The following HHEX variants were observed in gnomAD, a reference collection of about 807,000 sequenced individuals.
HHEX encodes the protein hematopoietically-expressed homeobox protein HHEX.
HHEX carries 8 observed loss-of-function variants against 27.0 expected under a neutral mutation model. The ratio of observed to expected loss-of-function variants is 0.30; its 90% confidence interval spans 0.17 to 0.54. The LOEUF is 0.54. Among genes scored for constraint, HHEX ranks in the 20% least tolerant of loss-of-function variants. The probability of loss-of-function intolerance (pLI) is 0.95; values close to 1 mark genes in which losing one functional copy is unlikely to be tolerated. For missense variants in HHEX, 326 were observed against 357.2 expected (o/e 0.91, Z 0.70); for synonymous variants, 164 against 161.5 (o/e 1.02, Z -0.12).
chr10:92,692,325 C>A (rs1462713482), intron 1 of HHEX, 43 bp from the exon 2 acceptor site: 21 of 1,601,596 alleles, frequency 1.3e-5, no homozygotes, highest in Non-Finnish European at 1.7e-5. Context: ...TCTGGCCAGG[C>A]CGCTCCAGGG....
At chr10:92,692,185 T>C in intron 1 of HHEX, 183 bp from the exon 2 acceptor site, 1 of 593,766 alleles carries the variant, frequency 1.7e-6, no homozygotes, top group Non-Finnish European at 3.0e-6. Context: ...TGTCAGTGTG[T>C]GACTTTGGGT....
At chr10:92,690,973 C>A (rs1008917885) in intron 1 of HHEX, among the ~76,000 whole-genome samples, 1 of 152,206 alleles carries the variant, frequency 6.6e-6, no homozygotes, top group Non-Finnish European at 1.5e-5. Flanking sequence ...TGATATTGTT[C>A]ATTTCCTCTG....
chr10:92,691,527 CTTT>C (rs1284923484), intron 1 of HHEX: 1 of 152,220 alleles, frequency 6.6e-6, no homozygotes, highest in Non-Finnish European at 1.5e-5. Flanking sequence ...TTTAGTTCAT[CTTT>C]TTATGTTTTT....
Position 92,694,929 on chromosome 10 carries a change from C to T in HHEX, c.*161C>T, listed in dbSNP as rs1845389344. On this transcript the variant is annotated 3_prime_UTR_variant, in exon 4 of 4. Transcript: ENST00000282728. ...TTGGTGCACTGCTCAATTAACAAAC[C>T]TACATGGAGACCTTAATTTTGACTT... 1.6e-6 allele frequency: 1 copy of T among 612,830 alleles called. No homozygotes were observed. The allele number at this position is 612,830 out of a possible 1,614,324, so 38.0% of individuals were successfully genotyped here.
At chr10:92,694,324 T>C (rs1383366392) in intron 3 of HHEX, among the ~76,000 whole-genome samples, 5 of 152,208 alleles carry the variant, frequency 3.3e-5, no homozygotes, top group African/African-American at 1.2e-4. Flanking sequence ...TCATGACTGG[T>C]TCTCATCTTT....
At position 92,690,470 on chromosome 10, in the gene HHEX, G is replaced by GC. The variant is rs569073176; in HGVS notation, c.361+124dup. Reference sequence around the variant, plus strand: ...CTGTGGCAAAAGCGATGGAAAAGCAGCTGTCGGGCACGCGCGGGGACGGGA... The same window carrying GC: ...CTGTGGCAAAAGCGATGGAAAAGCAGCCTGTCGGGCACGCGCGGGGACGGGA... On this transcript the variant is annotated intron_variant, in intron 1 of 3. Coordinates refer to ENST00000282728, the MANE Select transcript of HHEX (RefSeq NM_002729.5). 16 of 1,224,452 alleles carry GC rather than the reference G, an allele frequency of 1.3e-5. No individual in the cohort carries two copies. The Admixed American group carries it at 5.3e-4, about 40-fold the overall frequency. 75.8% of individuals were successfully genotyped at this position (1,224,452 alleles called of 1,614,324 possible). A position where few individuals can be genotyped will look rare whatever the true frequency, so the allele number is the denominator to read the frequency against.
At chr10:92,690,435 C>G in intron 1 of HHEX, 88 bp downstream of exon 1, 3 of 1,342,774 alleles carry the variant, frequency 2.2e-6, no homozygotes, top group Non-Finnish European at 2.9e-6. Flanking sequence ...AGGGGGCAGG[C>G]GGTAGACGGC....
At chr10:92,692,599 G>T in intron 2 of HHEX, 53 bp downstream of exon 2, 1 of 1,601,946 alleles carries the variant, frequency 6.2e-7, no homozygotes, top group Non-Finnish European at 8.5e-7. Flanking sequence ...GGCTTCTGGG[G>T]TAGGGGTCGC....
chr10:92,692,309 C>T, intron 1 of HHEX, 59 bp from the exon 2 acceptor site: 1 of 1,570,302 alleles, frequency 6.4e-7, no homozygotes, highest in Non-Finnish European at 8.7e-7. Flanking sequence ...CCCGACAGCT[C>T]TGGGGTCTGG....
rs1321055689 is a variant in HHEX at position 92,695,056 on chromosome 10, T to G, written c.*288T>G. 4 of 255,724 alleles carry G rather than the reference T, an allele frequency of 1.6e-5. No homozygotes were observed. The highest frequency in any genetic ancestry group is 8.6e-5 in the East Asian group (1 of 11,622). 15.8% of individuals were successfully genotyped at this position (255,724 alleles called of 1,614,324 possible). On this transcript the variant is annotated 3_prime_UTR_variant, in exon 4 of 4. Coordinates refer to ENST00000282728, the MANE Select transcript of HHEX (RefSeq NM_002729.5). ...AAAAACAGTTAGTGGTTTTCACTAT[T>G]TATAAAAAATTAATTTTGAACTTTT...
chr10:92,691,229 C>T (rs1407733903), intron 1 of HHEX, among the ~76,000 whole-genome samples: 1 of 152,148 alleles, frequency 6.6e-6, no homozygotes, highest in Non-Finnish European at 1.5e-5. Flanking sequence ...GCATATATTC[C>T]AGAACTTCGG....
At chr10:92,692,257 C>A in intron 1 of HHEX, 111 bp from the exon 2 acceptor site, 1 of 1,084,370 alleles carries the variant, frequency 9.2e-7, no homozygotes, top group Non-Finnish European at 1.3e-6. Flanking sequence ...GTGAATGTGT[C>A]TGGTTGGGTG....
intron 1 of HHEX, chr10:92,691,445 T>TA: frequency 6.6e-6 from 1 of 152,270 alleles, no homozygotes; most frequent in East Asian, 1.9e-4. Flanking sequence ...ATGTCTCCAT[T>TA]ATTACGGCGC....
At chr10:92,692,307 C>A in intron 1 of HHEX, 61 bp from the exon 2 acceptor site, 1 of 1,568,932 alleles carries the variant, frequency 6.4e-7, no homozygotes, top group Non-Finnish European at 8.7e-7. Flanking sequence ...GGCCCGACAG[C>A]TCTGGGGTCT....
At position 92,690,186 on chromosome 10, in the gene HHEX, C is replaced by A; in HGVS notation, c.200C>A (p.Thr67Asn). Residue 67 changes from threonine to asparagine, a missense_variant, in exon 1 of 4, where the codon ACC becomes AAC. Coordinates refer to ENST00000282728, the MANE Select transcript of HHEX (RefSeq NM_002729.5). ...SFTSLVSPYR[T>N]PVYEPTPIHP... ...ACCAGCCTCGTGTCCCCCTACCGGA[C>A]CCCGGTGTACGAGCCCACGCCGATC... 1 of 1,569,156 alleles carries A rather than the reference C, an allele frequency of 6.4e-7. No individual in the cohort carries two copies. Among genetic ancestry groups the A allele is most frequent in the Non-Finnish European group, 8.6e-7 (1 of 1,157,980 alleles).
Position 92,692,409 on chromosome 10 carries a change from C to T in HHEX, c.403C>T (p.His135Tyr), listed in dbSNP as rs1564729118. 6.2e-7 allele frequency: 1 copy of T among 1,614,064 alleles called. No homozygotes were observed. Among genetic ancestry groups the T allele is most frequent in the Admixed American group, 1.7e-5 (1 of 60,014 alleles). Residue 135 changes from histidine to tyrosine, a missense_variant, in exon 2 of 4, where the codon CAT becomes TAT. This residue lies in a region of HHEX where 215 missense variants were observed against 196.4 expected (regional missense o/e 1.09). Coordinates refer to ENST00000282728, the MANE Select transcript of HHEX (RefSeq NM_002729.5). Reference sequence around the variant, plus strand: ...GAGCCCCTTCTTGCAGAGGCCTCTGCATAAAAGGAAAGGCGGCCAGGTGAG... The same window carrying T: ...GAGCCCCTTCTTGCAGAGGCCTCTGTATAAAAGGAAAGGCGGCCAGGTGAG... ...LWSPFLQRPL[H>Y]KRKGGQVRFS... is the part of the protein sequence containing the mutation.
chr10:92,691,782 T>C (rs1256717915), intron 1 of HHEX: 1 of 152,430 alleles, frequency 6.6e-6, no homozygotes, highest in African/African-American at 2.4e-5. Flanking sequence ...CCATAGCCCA[T>C]GGGGTGGCTT....
chr10:92,692,130 G>A (rs1231636354), intron 1 of HHEX: 3 of 436,042 alleles, frequency 6.9e-6, no homozygotes, highest in Non-Finnish European at 8.3e-6. Context: ...AGGTGTGACG[G>A]CTGTGTGTCT....
chr10:92,690,865 C>A (rs1045630042), intron 1 of HHEX, among the ~76,000 whole-genome samples: 2 of 152,222 alleles, frequency 1.3e-5, no homozygotes, highest in South Asian at 2.1e-4. Flanking sequence ...GCAGACCCTT[C>A]CCCCGGAGTA....
Sources: allele counts gnomAD v4.1 joint callset (sites outside exome capture counted in the v4.1 genomes callset), GRCh38; gene constraint gnomAD v4.1.1; regional missense constraint gnomAD v4.1.1; transcripts MANE v1.5; gene names NCBI Gene and HGNC (gene_info 2026-07-23, HGNC 2026-07-21).